COL18A1: variants seen among roughly 807,000 people sequenced by gnomAD.
The protein encoded by COL18A1 is collagen alpha-1(XVIII) chain.
COL18A1 carries 133 observed loss-of-function variants against 168.0 expected under a neutral mutation model. That is an observed-to-expected ratio of 0.79 (90% CI 0.69 to 0.91). COL18A1 has a LOEUF of 0.91. COL18A1 is among the 40% of genes least tolerant of loss of function. The pLI, the probability that COL18A1 is intolerant of heterozygous loss-of-function variation, is 0.00. For missense variants in COL18A1, 2,126 were observed against 1,925.4 expected (o/e 1.10, Z -1.95); for synonymous variants, 949 against 809.0 (o/e 1.17, Z -2.94).
Position 45,405,194 on chromosome 21 carries a change from G to A in COL18A1, c.-37G>A, listed in dbSNP as rs2033028797. On this transcript the variant is annotated 5_prime_UTR_variant, in exon 1 of 42. Coordinates refer to ENST00000651438, the MANE Select transcript of COL18A1 (RefSeq NM_001379500.1). Reference sequence around the variant, plus strand: ...CGAGCGGGTGCACCGCGGCGGAGGAGGCAGCATCCCGCGGCGCTGACGGTC... The same window carrying A: ...CGAGCGGGTGCACCGCGGCGGAGGAAGCAGCATCCCGCGGCGCTGACGGTC... The A allele has an allele frequency of 8.5e-6, 3 of 351,982 alleles. No individual in the cohort carries two copies. The highest frequency in any genetic ancestry group is 1.5e-5 in the Non-Finnish European group (3 of 198,396). The allele number at this position is 351,982 out of a possible 1,614,324, so 21.8% of individuals were successfully genotyped here.
chr21:45,476,343 T>A lies in COL18A1; in HGVS notation c.799-8T>A, dbSNP rs1568901767. The A allele has an allele frequency of 1.2e-6, 2 of 1,613,888 alleles. No homozygotes were observed. Among genetic ancestry groups the A allele is most frequent in the Non-Finnish European group, 1.7e-6 (2 of 1,179,922 alleles). ...GAATAACAGGCCACCTCCCCTCTCG[T>A]CCTCCAGGGCGCGGCCCTAAAACCC... is the stretch of plus-strand genomic sequence containing the variant. On this transcript the variant is annotated splice_polypyrimidine_tract_variant and splice_region_variant and intron_variant, in intron 5 of 41. Coordinates refer to ENST00000651438, the MANE Select transcript of COL18A1 (RefSeq NM_001379500.1).
chr21:45,500,258 TATGTGG>T (rs2036711168), intron 32 of COL18A1, among the ~76,000 whole-genome samples: 3 of 117,818 alleles, frequency 2.5e-5, no homozygotes, highest in African/African-American at 6.6e-5. Context: ...GGAGTGTGCA[TATGTGG>T]GTGTTGGGTG....
At position 45,498,492 on chromosome 21, in the gene COL18A1, T is replaced by G. The variant is rs896075962; in HGVS notation, c.2683+831T>G. The G allele has an allele frequency of 1.4e-6, 1 of 714,284 alleles. No homozygotes were observed. Among genetic ancestry groups the G allele is most frequent in the Non-Finnish European group, 2.6e-6 (1 of 384,594 alleles). The allele number at this position is 714,284 out of a possible 1,614,324, so 44.2% of individuals were successfully genotyped here. On this transcript the variant is annotated intron_variant, in intron 32 of 41. Transcript: ENST00000651438. The surrounding 1 kb of genome is among the most constrained non-coding windows in gnomAD (Gnocchi z 4.5). ...GTCCCCGCTCGCCGCCAGGGTCCCC[T>G]CTCGCTGCCAGGGTCCTCTGCAGAG...
Position 45,477,894 on chromosome 21 carries a change from A to T in COL18A1, c.1150A>T (p.Thr384Ser). Residue 384 changes from threonine (T) to serine (S), a missense_variant, in exon 8 of 42, where the codon ACT (threonine) becomes TCT (serine). Physicochemically the swap from Thr to Ser is moderately conservative, Grantham distance 58 (BLOSUM62 1). Coordinates refer to ENST00000651438, the MANE Select transcript of COL18A1 (RefSeq NM_001379500.1). ...PLGPAGPALQ[T>S]VPGPQGPPGP... Reference sequence around the variant, plus strand: ...GGGTCCTGCAGGCCCAGCGTTGCAAACTGTCCCCGGACCACAAGGACCCCC... The same window carrying T: ...GGGTCCTGCAGGCCCAGCGTTGCAATCTGTCCCCGGACCACAAGGACCCCC... 1.3e-6 allele frequency: 2 copies of T among 1,564,178 alleles called. No individual in the cohort carries two copies. Among genetic ancestry groups the T allele is most frequent in the Non-Finnish European group, 1.7e-6 (2 of 1,154,412 alleles).
intron 5 of COL18A1, among the ~76,000 whole-genome samples, chr21:45,475,746 G>C (rs974744669): frequency 1.0e-5 from 1 of 96,264 alleles, no homozygotes; most frequent in Admixed American, 9.2e-5. Flanking sequence ...TGGCCGCCGC[G>C]TGTCTCTGGT....
At chr21:45,507,322 G>A (rs1156359545) in intron 37 of COL18A1, 33 of 603,562 alleles carry the variant, frequency 5.5e-5, no homozygotes, top group South Asian at 5.0e-4. Flanking sequence ...CCTCCTGTGG[G>A]CTGGCAGGGC....
At chr21:45,482,912 A>G in intron 15 of COL18A1, 91 bp downstream of exon 15, 1 of 1,592,278 alleles carries the variant, frequency 6.3e-7, no homozygotes, top group South Asian at 1.1e-5. Context: ...CCCACGGTCG[A>G]GAGAGTGAGC....
At chr21:45,465,998 G>A (rs1260730639) in intron 2 of COL18A1, among the ~76,000 whole-genome samples, 1 of 152,166 alleles carries the variant, frequency 6.6e-6, no homozygotes, top group Non-Finnish European at 1.5e-5. Flanking sequence ...GGACGGTCTT[G>A]TCCTGGGAGG....
intron 2 of COL18A1, chr21:45,456,372 TCTC>T (rs1307162462): frequency 1.5e-5 from 23 of 1,549,950 alleles, no homozygotes; most frequent in Middle Eastern, 3.3e-4. Flanking sequence ...CCCTCCGCCT[TCTC>T]CTCTGGGCTC....
In COL18A1 at chr21:45,478,377, C is replaced by T. The variant is rs752381407; in HGVS notation, c.1248+24C>T. 4.3e-6 allele frequency: 7 copies of T among 1,614,120 alleles called. No homozygotes were observed. The South Asian group carries it at 5.5e-5, about 13-fold the overall frequency. ...CGGTGAGTCTGCTTTTCTTTCTGAC[C>T]CCTGTGTTATCTGTGATGTTTGCTT... On this transcript the variant is annotated intron_variant, in intron 9 of 41. Coordinates refer to ENST00000651438, the MANE Select transcript of COL18A1 (RefSeq NM_001379500.1).
chr21:45,505,401 GC>G lies in COL18A1; in HGVS notation c.3062del (p.Pro1021LeufsTer10). ...GPPGPPGPPG[P>X]PGTMGASSGV... ...CTCCGGGCCCCCCTGGGCCCCCTGGGCCCCCTGGAACCATGGGCGCCTCCTC... is the reference window on the plus strand; with the variant it reads ...CTCCGGGCCCCCCTGGGCCCCCTGGGCCCCTGGAACCATGGGCGCCTCCTC... On this transcript the variant is annotated frameshift_variant, in exon 36 of 42. Coordinates refer to ENST00000651438, the MANE Select transcript of COL18A1 (RefSeq NM_001379500.1). LOFTEE classifies it high-confidence loss of function. 3 of 1,583,942 alleles carry G rather than the reference GC, an allele frequency of 1.9e-6. No homozygotes were observed. Among genetic ancestry groups the G allele is most frequent in the Non-Finnish European group, 2.6e-6 (3 of 1,158,740 alleles).
intron 2 of COL18A1, among the ~76,000 whole-genome samples, chr21:45,418,971 C>T (rs766015048): frequency 1.2e-4 from 19 of 152,350 alleles, no homozygotes; most frequent in South Asian, 6.2e-4. Flanking sequence ...TAGTCTTCAC[C>T]GCCTCAGTCT....
intron 26 of COL18A1, 26 bp downstream of exon 26, chr21:45,493,601 G>GC: frequency 2.0e-6 from 3 of 1,525,812 alleles, no homozygotes; most frequent in Non-Finnish European, 2.7e-6. Flanking sequence ...CCTCCTTCCG[G>GC]CAGGCGTGGG....
At chr21:45,455,568 TG>T (rs773455356) in intron 2 of COL18A1, 2 of 1,613,846 alleles carry the variant, frequency 1.2e-6, no homozygotes, top group Non-Finnish European at 1.7e-6. Context: ...ATCCTGCTGC[TG>T]CTCTTCTGCT....
chr21:45,505,417 G>C lies in COL18A1; in HGVS notation c.3073G>C (p.Gly1025Arg). Residue 1025 changes from glycine (G) to arginine (R), a missense_variant, in exon 36 of 42, where the codon GGC (glycine) becomes CGC (arginine). Gly to Arg is a moderately radical substitution (Grantham distance 125, BLOSUM62 -2). Transcript: ENST00000651438. ...GCCCCCTGGGCCCCCTGGAACCATGGGCGCCTCCTCAGGGGTAAGTGTCTG... is the reference window on the plus strand; with the variant it reads ...GCCCCCTGGGCCCCCTGGAACCATGCGCGCCTCCTCAGGGGTAAGTGTCTG... ...PGPPGPPGTM[G>R]ASSGVRLWAT... The C allele has an allele frequency of 6.4e-7, 1 of 1,563,824 alleles. No individual in the cohort carries two copies. The highest frequency in any genetic ancestry group is 2.3e-5 in the East Asian group (1 of 44,242).
chr21:45,421,205 G>A (rs916157890), intron 2 of COL18A1: 12 of 356,580 alleles, frequency 3.4e-5, no homozygotes, highest in African/African-American at 1.7e-4. Flanking sequence ...TTGGCCAGAC[G>A]GCTTTGCCGC....
chr21:45,485,277 A>G (rs1310237614), intron 15 of COL18A1, among the ~76,000 whole-genome samples: 1 of 147,270 alleles, frequency 6.8e-6, no homozygotes, highest in East Asian at 2.1e-4. Context: ...CTGGGATTAC[A>G]GGCGTGAGCC....
At chr21:45,484,228 A>C (rs561368065) in intron 15 of COL18A1, among the ~76,000 whole-genome samples, 1 of 147,350 alleles carries the variant, frequency 6.8e-6, no homozygotes, top group South Asian at 2.2e-4. Context: ...TCTCCAGCAT[A>C]TGTGCACACA....
intron 2 of COL18A1, among the ~76,000 whole-genome samples, chr21:45,462,518 G>C (rs2035079070): frequency 6.6e-6 from 1 of 152,034 alleles, no homozygotes; most frequent in Non-Finnish European, 1.5e-5. Flanking sequence ...TCTTTTGTCT[G>C]CTCAAATCAC....
Sources: gnomAD v4.1 joint callset for allele counts (sites outside exome capture counted in the v4.1 genomes callset) on GRCh38, gnomAD v4.1.1 for gene constraint, Gnocchi (gnomAD v3.1) non-coding constraint, MANE v1.5 for transcripts, NCBI Gene and HGNC (gene_info 2026-07-23, HGNC 2026-07-21) for gene names.